The following PDK1 variants were observed in gnomAD, a reference collection of about 807,000 sequenced individuals.
PDK1 encodes pyruvate dehydrogenase kinase 1.
Under a neutral mutation model 54.2 loss-of-function variants are expected in PDK1, and 39 were observed. The observed-to-expected ratio is 0.72, with a 90% CI of 0.56 to 0.94. PDK1 has a LOEUF of 0.94. PDK1 is among the 40% of genes least tolerant of loss of function. The pLI, the probability that PDK1 is intolerant of heterozygous loss-of-function variation, is 0.00. For synonymous variants in PDK1, 221 were observed against 207.1 expected, an observed-to-expected ratio of 1.07 and a Z score of -0.58; for missense variants, 552 against 566.0, an observed-to-expected ratio of 0.98 and a Z score of 0.25.
At chr2:172,569,796 C>T (rs1180064941) in intron 7 of PDK1, among the ~76,000 whole-genome samples, 1 of 152,182 alleles carries the variant, frequency 6.6e-6, no homozygotes, top group African/African-American at 2.4e-5. Flanking sequence ...AGTCCTGCCC[C>T]AGAGTGTTGG....
the PDK1 span, among the ~76,000 whole-genome samples, chr2:172,656,422 C>A: frequency 1.3e-5 from 2 of 152,262 alleles, no homozygotes; most frequent in Admixed American, 6.5e-5. Context: ...GGGCTGTGAC[C>A]TTTACAAGTG....
the PDK1 span, among the ~76,000 whole-genome samples, chr2:172,702,970 T>C: frequency 6.6e-4 from 100 of 151,918 alleles, no homozygotes; most frequent in Non-Finnish European, 1.3e-3. Context: ...CTGGAAACTT[T>C]AAATGTTACC....
the PDK1 span, among the ~76,000 whole-genome samples, chr2:172,702,425 C>T: frequency 1.3e-5 from 2 of 151,146 alleles, no homozygotes; most frequent in African/African-American, 2.4e-5. Flanking sequence ...TGTAGTGAGC[C>T]GAGATCGTGC....
the PDK1 span, among the ~76,000 whole-genome samples, chr2:172,645,244 C>T: frequency 4.8e-5 from 6 of 124,180 alleles, no homozygotes; most frequent in Non-Finnish European, 9.7e-5. Flanking sequence ...TAGCAATGTA[C>T]ACAGTACAAA....
rs78127317 is a variant in PDK1, at chr2:172,596,839, C to G, written c.*870C>G. ...ATCCCTAGGGCTAGAGCCTAGAAAT[C>G]TCACTTTTTAAAATGCTTCCAAGGT... On this transcript the variant is annotated 3_prime_UTR_variant, in exon 11 of 11. Transcript: ENST00000282077. 1.3e-5 allele frequency: 2 copies of G among 152,194 alleles called. No homozygotes were observed. The highest frequency in any genetic ancestry group is 4.8e-5 in the African/African-American group (2 of 41,442). 9.4% of individuals were successfully genotyped at this position (152,194 alleles called of 1,614,324 possible). A position where few individuals can be genotyped will look rare whatever the true frequency, so the allele number is the denominator to read the frequency against.
the PDK1 span, among the ~76,000 whole-genome samples, chr2:172,628,477 C>T: frequency 1.3e-5 from 2 of 152,186 alleles, no homozygotes; most frequent in African/African-American, 2.4e-5. Context: ...CCCTGCCCCC[C>T]ACTTCCCTTT....
chr2:172,558,680 C>T (rs1281820597), intron 1 of PDK1, 28 bp from the exon 2 acceptor site: 18 of 1,568,114 alleles, frequency 1.1e-5, no homozygotes, highest in Non-Finnish European at 1.5e-5. Flanking sequence ...CTTTTACTTA[C>T]TGCTTTACCC....
At chr2:172,668,304 CAAAGTT>C in the PDK1 span, among the ~76,000 whole-genome samples, 1 of 144,488 alleles carries the variant, frequency 6.9e-6, no homozygotes, top group East Asian at 2.0e-4. Context: ...GGCAATGAAA[CAAAGTT>C]TAAGAGACCC....
chr2:172,660,546 A>G, the PDK1 span, among the ~76,000 whole-genome samples: 1 of 151,954 alleles, frequency 6.6e-6, no homozygotes, highest in Non-Finnish European at 1.5e-5. Flanking sequence ...TGTGAGCCAC[A>G]GTGCCTGGCC....
the PDK1 span, among the ~76,000 whole-genome samples, chr2:172,692,831 C>A: frequency 6.6e-6 from 1 of 152,208 alleles, no homozygotes; most frequent in Non-Finnish European, 1.5e-5. Flanking sequence ...TATGGTTGCA[C>A]ACTTGGTTCA....
chr2:172,572,766 A>G (rs1046573069), intron 8 of PDK1, among the ~76,000 whole-genome samples: 1 of 152,092 alleles, frequency 6.6e-6, no homozygotes, highest in Non-Finnish European at 1.5e-5. Flanking sequence ...CTATGAAGTC[A>G]CTTCCCGTTT....
Position 172,597,859 on chromosome 2 carries a change from C to G in PDK1, c.*1890C>G, listed in dbSNP as rs1469734984. On this transcript the variant is annotated 3_prime_UTR_variant, in exon 11 of 11. Transcript: ENST00000282077. ...CTGGAAAATACACTGAGTTGAAACA[C>G]TTCATCCTTGGAAGGATTATATAAG... 1 of 152,190 alleles carries G rather than the reference C, an allele frequency of 6.6e-6. No individual in the cohort carries two copies. The highest frequency in any genetic ancestry group is 1.5e-5 in the Non-Finnish European group (1 of 68,034). 9.4% of individuals were successfully genotyped at this position (152,190 alleles called of 1,614,324 possible).
chr2:172,570,875 A>T (rs2149232003), intron 8 of PDK1, 51 bp downstream of exon 8: 2 of 992,750 alleles, frequency 2.0e-6, no homozygotes, highest in Non-Finnish European at 1.6e-6. Flanking sequence ...GTAATTGATG[A>T]ACAGACATGC....
chr2:172,662,546 C>G, the PDK1 span, among the ~76,000 whole-genome samples: 1 of 98,892 alleles, frequency 1.0e-5, no homozygotes, highest in Non-Finnish European at 2.3e-5. Context: ...AGCATCTTTC[C>G]ATGTTATTCA....
At chr2:172,663,292 C>G in the PDK1 span, among the ~76,000 whole-genome samples, 3 of 152,276 alleles carry the variant, frequency 2.0e-5, no homozygotes, top group East Asian at 5.8e-4. Flanking sequence ...ATCCTAATGG[C>G]CTCCTCATTT....
chr2:172,587,155 T>G (rs1373185598), intron 9 of PDK1, among the ~76,000 whole-genome samples: 1 of 152,172 alleles, frequency 6.6e-6, no homozygotes, highest in Non-Finnish European at 1.5e-5. Context: ...CCGGAATTGG[T>G]GGGTTTTTGG....
At chr2:172,643,430 T>C in the PDK1 span, among the ~76,000 whole-genome samples, 12 of 152,328 alleles carry the variant, frequency 7.9e-5, no homozygotes, top group South Asian at 2.3e-3. Context: ...GGTGTGGCCG[T>C]GAGCCCTGTG....
the PDK1 span, among the ~76,000 whole-genome samples, chr2:172,690,545 TGC>T: frequency 6.7e-6 from 1 of 150,068 alleles, no homozygotes; most frequent in Admixed American, 6.8e-5. Flanking sequence ...TAAAGACACA[TGC>T]ACATGTTTGT....
the PDK1 span, chr2:172,723,440 G>T: frequency 2.6e-5 from 4 of 152,090 alleles, no homozygotes; most frequent in Admixed American, 1.3e-4. Context: ...ATAAAATGGA[G>T]AAGTTAGCCA....
Sources: allele counts gnomAD v4.1 joint callset (sites outside exome capture counted in the v4.1 genomes callset), GRCh38; gene constraint gnomAD v4.1.1; transcripts MANE v1.5; gene names NCBI Gene and HGNC (gene_info 2026-07-23, HGNC 2026-07-21).